Variants in PRPF31 observed in about 807,000 individuals in gnomAD.
The protein encoded by PRPF31 is U4/U6 small nuclear ribonucleoprotein Prp31.
Under a neutral mutation model 60.4 loss-of-function variants are expected in PRPF31, and 12 were observed. That is an observed-to-expected ratio of 0.20 (90% CI 0.13 to 0.32). The LOEUF (loss-of-function observed/expected upper bound fraction) is 0.32. Ranked by LOEUF, PRPF31 falls within the 10% of genes least tolerant of loss-of-function variation. The pLI, the probability that PRPF31 is intolerant of heterozygous loss-of-function variation, is 1.00. For synonymous variants in PRPF31, 287 were observed against 287.9 expected, an observed-to-expected ratio of 1.00 and a Z score of 0.03; for missense variants, 431 against 687.1, an observed-to-expected ratio of 0.63 and a Z score of 4.17.
At chr19:54,126,485 G>A (rs2146435877) in intron 8 of PRPF31, 43 bp from the exon 9 acceptor site, 4 of 1,586,312 alleles carry the variant, frequency 2.5e-6, no homozygotes, top group Non-Finnish European at 3.4e-6. Flanking sequence ...ACCTCTGTCT[G>A]TCTGTCTCAC....
chr19:54,123,180 A>G (rs2073835167), intron 5 of PRPF31: 1 of 579,380 alleles, frequency 1.7e-6, no homozygotes, highest in Non-Finnish European at 3.1e-6. Flanking sequence ...GACGCAGGCC[A>G]GAGGCTTGTG....
chr19:54,117,500 G>C (rs1362169339), intron 1 of PRPF31, among the ~76,000 whole-genome samples: 2 of 152,180 alleles, frequency 1.3e-5, no homozygotes, highest in Non-Finnish European at 2.9e-5. Flanking sequence ...TGATCGCCTT[G>C]AGGTGATCTC....
At chr19:54,124,714 C>T in intron 8 of PRPF31, 58 bp downstream of exon 8, 1 of 1,577,956 alleles carries the variant, frequency 6.3e-7, no homozygotes. Flanking sequence ...CCGCTGTGCC[C>T]AGACAGCCTG....
At chr19:54,120,819 G>A (rs1242630371) in intron 3 of PRPF31, among the ~76,000 whole-genome samples, 1 of 151,272 alleles carries the variant, frequency 6.6e-6, no homozygotes, top group East Asian at 2.0e-4. Flanking sequence ...TCCCTATGTC[G>A]CCCAGGTTGC....
At chr19:54,130,127 C>T (rs1211045856) in intron 13 of PRPF31, among the ~76,000 whole-genome samples, 2 of 115,052 alleles carry the variant, frequency 1.7e-5, no homozygotes, top group Non-Finnish European at 3.7e-5. Context: ...CCAGGCCGGG[C>T]GCAGACAGCT....
At chr19:54,122,387 A>T in intron 4 of PRPF31, 110 bp from the exon 5 acceptor site, 1 of 875,636 alleles carries the variant, frequency 1.1e-6, no homozygotes, top group Non-Finnish European at 2.0e-6. Flanking sequence ...GTGCCAGGCC[A>T]CAAGCCAGGG....
At chr19:54,123,267 T>A (rs2073837616) in intron 5 of PRPF31, 187 bp from the exon 6 acceptor site, 3 of 648,644 alleles carry the variant, frequency 4.6e-6, no homozygotes, top group Non-Finnish European at 8.3e-6. Context: ...ATGGTGTGGA[T>A]GCTTGACGTG....
intron 4 of PRPF31, chr19:54,122,157 T>G: frequency 3.0e-6 from 2 of 657,564 alleles, no homozygotes; most frequent in Non-Finnish European, 5.4e-6. Flanking sequence ...CTTGGCTGCC[T>G]GTAGGGCCCC....
At chr19:54,124,736 A>G in intron 8 of PRPF31, 80 bp downstream of exon 8, 3 of 1,498,356 alleles carry the variant, frequency 2.0e-6, no homozygotes, top group Non-Finnish European at 2.8e-6. Context: ...GCAGCCACCC[A>G]CCATCTGGCC....
In PRPF31 at chr19:54,122,322, C is replaced by T. The variant is rs2073811701; in HGVS notation, c.323-175C>T. On this transcript the variant is annotated intron_variant, in intron 4 of 13. Coordinates refer to ENST00000321030, the MANE Select transcript of PRPF31 (RefSeq NM_015629.4). ...CGTTTTACAGACCAGAACTAATTCC[C>T]CTGGTCACACCTAGCGGTAAGGACG... The T allele has an allele frequency of 6.7e-6, 5 of 746,634 alleles. No homozygotes were observed. In the African/African-American group the frequency reaches 6.8e-5, roughly 10 times the overall value. The allele number at this position is 746,634 out of a possible 1,614,324, so 46.3% of individuals were successfully genotyped here.
rs376067058 is a variant in PRPF31 at position 54,128,081 on chromosome 19, C to T, written c.954C>T (p.Tyr318=). ...CCCCTCGCCCTCCCCAGGTGGGCTA[C>T]GAACTGAAGGATGAGATCGAGCGCA... ...FHESTEGKVG[Y]ELKDEIERKF... is the part of the protein sequence containing the mutation. Residue 318 remains tyrosine (Y), a synonymous_variant, in exon 10 of 14, where the codon TAC becomes TAT. Coordinates refer to ENST00000321030, the MANE Select transcript of PRPF31 (RefSeq NM_015629.4). The T allele has an allele frequency of 4.3e-5, 66 of 1,548,602 alleles. No individual in the cohort carries two copies. Among genetic ancestry groups the T allele is most frequent in the Non-Finnish European group, 4.7e-5 (54 of 1,146,858 alleles).
chr19:54,131,468 G>C lies in PRPF31; in HGVS notation c.*36G>C. 1 of 1,612,562 alleles carries C rather than the reference G, an allele frequency of 6.2e-7. No individual in the cohort carries two copies. On this transcript the variant is annotated 3_prime_UTR_variant, in exon 14 of 14. Coordinates refer to ENST00000321030, the MANE Select transcript of PRPF31 (RefSeq NM_015629.4). ...GTGTCCAAGGTGGCTTCCCACTGAA[G>C]GGACACAGAGGTCCAGTCCTTCTGA...
intron 3 of PRPF31, among the ~76,000 whole-genome samples, chr19:54,120,785 T>C (rs1215513207): frequency 6.6e-6 from 1 of 151,890 alleles, no homozygotes; most frequent in East Asian, 1.9e-4. Flanking sequence ...TTTTTTTTCT[T>C]TAATTATGTG....
Position 54,131,561 on chromosome 19 carries a change from G to T in PRPF31, c.*129G>T. ...CTGGCCCCATTGCTGGGACTGCCCA[G>T]GGAGGAGGCCTTGGAAGAGTCCGGC... On this transcript the variant is annotated 3_prime_UTR_variant, in exon 14 of 14. Coordinates refer to ENST00000321030, the MANE Select transcript of PRPF31 (RefSeq NM_015629.4). 7.0e-7 allele frequency: 1 copy of T among 1,429,112 alleles called. No homozygotes were observed. The highest frequency in any genetic ancestry group is 9.6e-7 in the Non-Finnish European group (1 of 1,039,680). The allele number at this position is 1,429,112 out of a possible 1,614,324, so 88.5% of individuals were successfully genotyped here.
chr19:54,124,118 C>A (rs1161996095), intron 7 of PRPF31, 200 bp downstream of exon 7: 3 of 1,153,824 alleles, frequency 2.6e-6, no homozygotes, highest in Non-Finnish European at 3.6e-6. Context: ...AGCTCCTTCT[C>A]CCTCCCCTGT....
intron 13 of PRPF31, 44 bp from the exon 14 acceptor site, chr19:54,131,263 T>C (rs2074041709): frequency 6.2e-7 from 1 of 1,612,106 alleles, no homozygotes; most frequent in African/African-American, 1.3e-5. Context: ...AGTTGGGGCC[T>C]TCTCCTCACC....
chr19:54,121,621 G>A (rs2073791426), intron 3 of PRPF31, among the ~76,000 whole-genome samples: 1 of 152,172 alleles, frequency 6.6e-6, no homozygotes, highest in African/African-American at 2.4e-5. Flanking sequence ...AGCCGTAGGA[G>A]GTTTCACACG....
chr19:54,123,467 G>A lies in PRPF31; in HGVS notation c.434G>A (p.Ser145Asn). 6.2e-7 allele frequency: 1 copy of A among 1,614,116 alleles called. No homozygotes were observed. Among genetic ancestry groups the A allele is most frequent in the Non-Finnish European group, 8.5e-7 (1 of 1,179,976 alleles). The stretch of plus-strand genomic sequence containing the variant: ...GCTCGCCCCCAGGAGCTGGGCAACA[G>A]CCTGGACAAGTGCAAGAACAATGAG... ...YIRTVKELGN[S>N]LDKCKNNENL... Residue 145 changes from serine (S) to asparagine (N), a missense_variant, in exon 6 of 14, where the codon AGC becomes AAC. Around this residue, in one of 4 missense-constraint regions of PRPF31, gnomAD observed 113 missense variants for 173.8 expected, o/e 0.65. Coordinates refer to ENST00000321030, the MANE Select transcript of PRPF31 (RefSeq NM_015629.4).
chr19:54,123,537 C>A lies in PRPF31; in HGVS notation c.504C>A (p.Ser168Arg). ...CCAATGCCACCATCATGGTCGTCAGCGTCACCGCCTCCACCACCCAGGGGT... is the reference window on the plus strand; with the variant it reads ...CCAATGCCACCATCATGGTCGTCAGAGTCACCGCCTCCACCACCCAGGGGT... ...ILTNATIMVVSVTASTTQGQQ... is the reference protein window; with the variant it reads ...ILTNATIMVVRVTASTTQGQQ... Residue 168 changes from serine (S) to arginine (R), a missense_variant, in exon 6 of 14, where the codon AGC (serine) becomes AGA (arginine). By Grantham distance (110) the Ser-to-Arg change is moderately radical. Around this residue, in one of 4 missense-constraint regions of PRPF31, gnomAD observed 314 missense variants for 475.3 expected, o/e 0.66. Coordinates refer to ENST00000321030, the MANE Select transcript of PRPF31 (RefSeq NM_015629.4). 1 of 1,614,164 alleles carries A rather than the reference C, an allele frequency of 6.2e-7. No individual in the cohort carries two copies. The highest frequency in any genetic ancestry group is 8.5e-7 in the Non-Finnish European group (1 of 1,180,008).
Sources: gnomAD v4.1 joint callset for allele counts (sites outside exome capture counted in the v4.1 genomes callset) on GRCh38, gnomAD v4.1.1 for gene constraint, gnomAD v4.1.1 regional missense constraint, MANE v1.5 for transcripts, NCBI Gene and HGNC (gene_info 2026-07-23, HGNC 2026-07-21) for gene names.